Variants in GRIA1 observed in about 807,000 individuals in gnomAD.
The protein encoded by GRIA1 is glutamate ionotropic receptor AMPA type subunit 1, also known as glutamate receptor 1.
In GRIA1, 31 loss-of-function variants were observed where a neutral mutation model predicts 99.2. The observed-to-expected ratio is 0.31, with a 90% CI of 0.23 to 0.42. GRIA1 has a LOEUF of 0.42. Among genes scored for constraint, GRIA1 ranks in the 10% least tolerant of loss-of-function variants. The probability of loss-of-function intolerance (pLI) is 1.00; values close to 1 mark genes in which losing one functional copy is unlikely to be tolerated. For synonymous variants in GRIA1, 438 were observed against 432.4 expected, an observed-to-expected ratio of 1.01 and a Z score of -0.16; for missense variants, 782 against 1,157.5, an observed-to-expected ratio of 0.68 and a Z score of 4.71.
intron 11 of GRIA1, among the ~76,000 whole-genome samples, chr5:153,749,166 T>G (rs1232764834): frequency 1.3e-5 from 2 of 152,116 alleles, no homozygotes; most frequent in Admixed American, 1.3e-4. Context: ...AAGAGAAGTG[T>G]TTTCAGAAGA....
chr5:153,612,366 T>C (rs1766068694), intron 2 of GRIA1, among the ~76,000 whole-genome samples: 1 of 152,258 alleles, frequency 6.6e-6, no homozygotes, highest in Non-Finnish European at 1.5e-5. Flanking sequence ...ACCAACCTCA[T>C]GTCACATATA....
chr5:153,528,982 G>A (rs517931), intron 2 of GRIA1, among the ~76,000 whole-genome samples: 52,790 of 151,976 alleles, frequency 0.35, 9,483 homozygotes, highest in African/African-American at 0.44. Flanking sequence ...CCATCTTTCC[G>A]ACCTCAAGAA....
At chr5:153,766,285 C>T (rs1442424332) in intron 12 of GRIA1, among the ~76,000 whole-genome samples, 3 of 152,184 alleles carry the variant, frequency 2.0e-5, no homozygotes, top group Non-Finnish European at 4.4e-5. Context: ...CTTACAATCT[C>T]ATTACAATTC....
At chr5:153,664,003 A>G (rs554938190) in intron 5 of GRIA1, among the ~76,000 whole-genome samples, 42 of 152,360 alleles carry the variant, frequency 2.8e-4, no homozygotes, top group African/African-American at 9.4e-4. Context: ...TTGCTCTGAC[A>G]GAGCATGGAA....
At chr5:153,603,669 G>A (rs535851414) in intron 2 of GRIA1, among the ~76,000 whole-genome samples, 1 of 152,294 alleles carries the variant, frequency 6.6e-6, no homozygotes, top group Non-Finnish European at 1.5e-5. Context: ...AAAAGTGTCT[G>A]TATATCTTAT....
intron 14 of GRIA1, among the ~76,000 whole-genome samples, chr5:153,798,019 G>A (rs1413595630): frequency 2.0e-5 from 3 of 152,120 alleles, no homozygotes; most frequent in Non-Finnish European, 4.4e-5. Flanking sequence ...ATGTTTTGGG[G>A]GTGGGGACAA....
At position 153,674,491 on chromosome 5, in the gene GRIA1, C is replaced by G. The variant is rs375127385; in HGVS notation, c.700-9C>G. ...ATGTTCTAACTTCTCCCTCCTCCCC[C>G]TCTCACAGGGCTTCATGGACATTGA... On this transcript the variant is annotated splice_polypyrimidine_tract_variant and intron_variant, in intron 5 of 15. Coordinates refer to ENST00000285900, the MANE Select transcript of GRIA1 (RefSeq NM_000827.4). 6.2e-7 allele frequency: 1 copy of G among 1,614,020 alleles called. No individual in the cohort carries two copies. The highest frequency in any genetic ancestry group is 1.3e-5 in the African/African-American group (1 of 75,044).
intron 13 of GRIA1, among the ~76,000 whole-genome samples, chr5:153,779,478 C>A (rs1053905156): frequency 6.6e-6 from 1 of 152,180 alleles, no homozygotes; most frequent in African/African-American, 2.4e-5. Context: ...GGCTGCAGAT[C>A]CACGCTGCTT....
In GRIA1 at chr5:153,683,635, A is replaced by G. The variant is rs530937585; in HGVS notation, c.1030-2590A>G. Among the ~76,000 whole-genome samples the G allele has an allele frequency of 2.6e-5, 4 of 152,316 alleles. No homozygotes were observed. In the South Asian group the frequency reaches 8.3e-4, roughly 32 times the overall value. On this transcript the variant is annotated intron_variant, in intron 7 of 15. Transcript: ENST00000285900. ...GGAAGGCAGTAAAAGTGTCAGTGACATGATCCTTCTTTCTTCTGAAAGAGT... is the reference window on the plus strand; with the variant it reads ...GGAAGGCAGTAAAAGTGTCAGTGACGTGATCCTTCTTTCTTCTGAAAGAGT...
intron 2 of GRIA1, among the ~76,000 whole-genome samples, chr5:153,499,884 G>A (rs1212451661): frequency 2.0e-5 from 3 of 152,094 alleles, no homozygotes; most frequent in Non-Finnish European, 2.9e-5. Flanking sequence ...ATTCCTCCTC[G>A]CCTCCCCTCA....
chr5:153,544,054 G>A (rs988632917), intron 2 of GRIA1, among the ~76,000 whole-genome samples: 1 of 152,110 alleles, frequency 6.6e-6, no homozygotes, highest in Non-Finnish European at 1.5e-5. Flanking sequence ...GCCTGAAAAA[G>A]GTAAGCCAGG....
chr5:153,609,617 G>T (rs1222667059), intron 2 of GRIA1, among the ~76,000 whole-genome samples: 3 of 131,424 alleles, frequency 2.3e-5, no homozygotes. Flanking sequence ...AGGCTGGAGT[G>T]CAGTGGAGCA....
chr5:153,777,682 C>T (rs150565073), intron 13 of GRIA1, among the ~76,000 whole-genome samples: 55 of 152,230 alleles, frequency 3.6e-4, no homozygotes, highest in African/African-American at 1.2e-3. Flanking sequence ...GAGCCCCACC[C>T]TCATCCCCCT....
intron 13 of GRIA1, among the ~76,000 whole-genome samples, chr5:153,777,439 A>AG (rs1316392795): frequency 3.3e-5 from 5 of 152,172 alleles, no homozygotes; most frequent in Admixed American, 3.3e-4. Context: ...GTAAGTCACT[A>AG]GAACTTCATA....
chr5:153,767,210 G>T (rs1201253039), intron 12 of GRIA1, among the ~76,000 whole-genome samples: 1 of 152,166 alleles, frequency 6.6e-6, no homozygotes, highest in African/African-American at 2.4e-5. Context: ...CTTGTGCCAG[G>T]CACTGGGTTA....
chr5:153,552,528 A>G (rs1003463664), intron 2 of GRIA1, among the ~76,000 whole-genome samples: 3 of 152,178 alleles, frequency 2.0e-5, no homozygotes, highest in African/African-American at 7.2e-5. Flanking sequence ...AAAATCACCT[A>G]TACCCTATAA....
At chr5:153,679,532 C>T (rs1756826838) in intron 7 of GRIA1, among the ~76,000 whole-genome samples, 1 of 152,248 alleles carries the variant, frequency 6.6e-6, no homozygotes, top group Non-Finnish European at 1.5e-5. Context: ...CAGTCCAGGG[C>T]TCCTCTTCCC....
intron 11 of GRIA1, among the ~76,000 whole-genome samples, chr5:153,724,984 G>C (rs1760398429): frequency 6.6e-6 from 1 of 152,152 alleles, no homozygotes; most frequent in Non-Finnish European, 1.5e-5. Context: ...AAAATGTTAA[G>C]GGCAGCCAGA....
intron 7 of GRIA1, among the ~76,000 whole-genome samples, chr5:153,681,763 T>C (rs983577602): frequency 6.6e-6 from 1 of 152,102 alleles, no homozygotes. Flanking sequence ...GGGCCAAGCA[T>C]CGTGGTTCAT....
Sources: gnomAD v4.1 joint callset for allele counts (sites outside exome capture counted in the v4.1 genomes callset) on GRCh38, gnomAD v4.1.1 for gene constraint, MANE v1.5 for transcripts, NCBI Gene and HGNC (gene_info 2026-07-23, HGNC 2026-07-21) for gene names.